MACROD2: variants seen among roughly 807,000 people sequenced by gnomAD.
MACROD2 encodes the protein mono-ADP ribosylhydrolase 2, also known as ADP-ribose glycohydrolase MACROD2.
A neutral mutation model predicts 70.4 loss-of-function variants in MACROD2; 36 were observed. That is an observed-to-expected ratio of 0.51 (90% confidence interval 0.39 to 0.68). MACROD2 has a LOEUF of 0.68. Among genes scored for constraint, MACROD2 ranks in the 30% least tolerant of loss-of-function variants. MACROD2 has a pLI of 0.00. For missense variants in MACROD2, 496 were observed against 538.4 expected (o/e 0.92, Z 0.78); for synonymous variants, 172 against 178.8 (o/e 0.96, Z 0.30).
At chr20:14,442,235 A>C (rs953567546) in intron 3 of MACROD2, among the ~76,000 whole-genome samples, 26 of 152,120 alleles carry the variant, frequency 1.7e-4, no homozygotes, top group Admixed American at 1.7e-3. Context: ...CCACCACTGC[A>C]CTCTAGCCTG....
At position 14,569,783 on chromosome 20, in the gene MACROD2, C is replaced by T. The variant is rs185813306; in HGVS notation, c.301+76275C>T. ...CCCGGGACTAGCATAGACTGTGAAG[C>T]GTAGAGCTGTGAAAGAATTTGGATC... On this transcript the variant is annotated intron_variant, in intron 4 of 17. Coordinates refer to ENST00000684519, the MANE Select transcript of MACROD2 (RefSeq NM_001351661.2). Among the ~76,000 whole-genome samples, 394 of 151,682 alleles carry T rather than the reference C, an allele frequency of 2.6e-3. 7 individuals are homozygous for T. Among genetic ancestry groups the T allele is most frequent in the Admixed American group, 0.023 (357 of 15,212 alleles).
intron 8 of MACROD2, among the ~76,000 whole-genome samples, chr20:15,646,684 G>A (rs565035279): frequency 6.6e-6 from 1 of 152,312 alleles, no homozygotes; most frequent in Non-Finnish European, 1.5e-5. Flanking sequence ...ATGATAGTGA[G>A]TGTGTTCTCA....
At chr20:14,439,518 A>G (rs1416921267) in intron 3 of MACROD2, among the ~76,000 whole-genome samples, 1 of 152,032 alleles carries the variant, frequency 6.6e-6, no homozygotes, top group African/African-American at 2.4e-5. Context: ...GTGTGTGTGT[A>G]TGTATATAAG....
At chr20:14,143,922 G>T (rs927672840) in intron 3 of MACROD2, among the ~76,000 whole-genome samples, 1 of 152,056 alleles carries the variant, frequency 6.6e-6, no homozygotes. Flanking sequence ...CTGCATTAAG[G>T]TTCCTTTCAA....
At chr20:15,670,241 T>C (rs2049961146) in intron 8 of MACROD2, among the ~76,000 whole-genome samples, 1 of 152,210 alleles carries the variant, frequency 6.6e-6, no homozygotes, top group South Asian at 2.1e-4. Flanking sequence ...CTCAGAGTTT[T>C]GGAATACCTA....
chr20:14,988,418 T>A (rs1457981989), intron 5 of MACROD2, among the ~76,000 whole-genome samples: 2 of 151,152 alleles, frequency 1.3e-5, no homozygotes, highest in Non-Finnish European at 2.9e-5. Context: ...CCTTGCCCTG[T>A]GTTTATGGGG....
chr20:15,325,561 A>G (rs1330291384), intron 6 of MACROD2, among the ~76,000 whole-genome samples: 1 of 152,138 alleles, frequency 6.6e-6, no homozygotes, highest in African/African-American at 2.4e-5. Context: ...TCCATGGTGA[A>G]ATATGCCACT....
At chr20:14,122,060 A>G (rs988516928) in intron 3 of MACROD2, among the ~76,000 whole-genome samples, 6 of 152,298 alleles carry the variant, frequency 3.9e-5, no homozygotes, top group Admixed American at 1.3e-4. Flanking sequence ...CAATAATATT[A>G]CATAGGTCTT....
intron 2 of MACROD2, among the ~76,000 whole-genome samples, chr20:14,071,917 T>A (rs540585186): frequency 2.0e-5 from 3 of 152,200 alleles, no homozygotes; most frequent in East Asian, 1.9e-4. Context: ...AAAACAATTT[T>A]AAAAAATCAG....
At chr20:14,641,116 C>A (rs922342687) in intron 4 of MACROD2, among the ~76,000 whole-genome samples, 3 of 152,186 alleles carry the variant, frequency 2.0e-5, no homozygotes, top group African/African-American at 7.2e-5. Flanking sequence ...ATTCTAAATC[C>A]TTTTTTGTCA....
intron 5 of MACROD2, among the ~76,000 whole-genome samples, chr20:14,903,669 C>T (rs2073924544): frequency 6.6e-6 from 1 of 152,010 alleles, no homozygotes; most frequent in South Asian, 2.1e-4. Flanking sequence ...CTGTTAGATG[C>T]TGTGACAAAT....
At chr20:15,005,347 T>G (rs962386490) in intron 5 of MACROD2, among the ~76,000 whole-genome samples, 7 of 152,210 alleles carry the variant, frequency 4.6e-5, no homozygotes, top group African/African-American at 1.7e-4. Flanking sequence ...AAGGCATCTA[T>G]TTGTTTCATG....
chr20:14,449,431 C>T (rs1480305453), intron 3 of MACROD2, among the ~76,000 whole-genome samples: 1 of 152,070 alleles, frequency 6.6e-6, no homozygotes, highest in African/African-American at 2.4e-5. Context: ...TAATTGAGTA[C>T]TATCCCATGT....
chr20:15,968,855 GGA>G (rs139824583), intron 13 of MACROD2, among the ~76,000 whole-genome samples: 1 of 110,098 alleles, frequency 9.1e-6, no homozygotes, highest in Non-Finnish European at 2.0e-5. Context: ...ATATACATAT[GGA>G]GAGAGAGAGA....
intron 3 of MACROD2, among the ~76,000 whole-genome samples, chr20:14,312,964 T>C (rs1217371045): frequency 6.6e-6 from 1 of 152,250 alleles, no homozygotes; most frequent in Non-Finnish European, 1.5e-5. Flanking sequence ...TAAATAGTAT[T>C]AGCACCTGAG....
chr20:15,850,861 T>C (rs1003980655), intron 8 of MACROD2, among the ~76,000 whole-genome samples: 1 of 152,164 alleles, frequency 6.6e-6, no homozygotes, highest in African/African-American at 2.4e-5. Context: ...ATAGCGTATA[T>C]TGACTTCAAG....
intron 5 of MACROD2, among the ~76,000 whole-genome samples, chr20:14,767,162 G>A (rs1038064230): frequency 6.6e-6 from 1 of 152,050 alleles, no homozygotes; most frequent in Non-Finnish European, 1.5e-5. Flanking sequence ...GATCCCATCT[G>A]TACCATCAAT....
chr20:15,183,419 G>A (rs1270064353), intron 5 of MACROD2, among the ~76,000 whole-genome samples: 1 of 151,934 alleles, frequency 6.6e-6, no homozygotes, highest in Non-Finnish European at 1.5e-5. Context: ...TGCACCTGTA[G>A]TCCCACCTAC....
At chr20:15,208,844 C>G (rs945653986) in intron 5 of MACROD2, among the ~76,000 whole-genome samples, 3 of 152,158 alleles carry the variant, frequency 2.0e-5, no homozygotes, top group African/African-American at 7.2e-5. Context: ...GTGGTCTGCT[C>G]TGACATTATA....
Sources: gnomAD v4.1 joint callset for allele counts (sites outside exome capture counted in the v4.1 genomes callset) on GRCh38, gnomAD v4.1.1 for gene constraint, MANE v1.5 for transcripts, NCBI Gene and HGNC (gene_info 2026-07-23, HGNC 2026-07-21) for gene names.